The following ADAMTSL1 variants were observed in gnomAD, a reference collection of about 807,000 sequenced individuals.
ADAMTSL1 encodes the protein ADAMTS-like protein 1.
In ADAMTSL1, 126 loss-of-function variants were observed where a neutral mutation model predicts 201.8. The observed-to-expected ratio is 0.62, with a 90% CI of 0.54 to 0.72. The LOEUF (loss-of-function observed/expected upper bound fraction) is 0.72. Ranked by LOEUF, ADAMTSL1 falls within the 30% of genes least tolerant of loss-of-function variation. The pLI, the probability that ADAMTSL1 is intolerant of heterozygous loss-of-function variation, is 0.00. For missense variants in ADAMTSL1, 2,679 were observed against 2,277.8 expected (o/e 1.18, Z -3.59); for synonymous variants, 1,121 against 903.4 (o/e 1.24, Z -4.32).
intron 1 of ADAMTSL1, among the ~76,000 whole-genome samples, chr9:18,105,803 G>C (rs953458997): frequency 1.3e-5 from 2 of 151,992 alleles, no homozygotes; most frequent in Non-Finnish European, 2.9e-5. Flanking sequence ...TTTCCTTTTG[G>C]GAAAACCATA....
intron 1 of ADAMTSL1, among the ~76,000 whole-genome samples, chr9:18,071,199 A>G (rs1185300690): frequency 1.3e-5 from 2 of 152,258 alleles, no homozygotes; most frequent in Non-Finnish European, 2.9e-5. Context: ...CAATAGTCCC[A>G]TGAAAACTGG....
chr9:18,673,628 T>C (rs1008624227), intron 9 of ADAMTSL1, among the ~76,000 whole-genome samples: 1 of 152,230 alleles, frequency 6.6e-6, no homozygotes, highest in Non-Finnish European at 1.5e-5. Context: ...TCAGTGTTAC[T>C]GCCTCCATTT....
chr9:18,876,301 CGTGTGTGTGTGT>C (rs59150507), intron 23 of ADAMTSL1, among the ~76,000 whole-genome samples: 5 of 139,630 alleles, frequency 3.6e-5, no homozygotes, highest in Non-Finnish European at 7.7e-5. Context: ...TGCCTGAATA[CGTGTGTGTGTGT>C]GTGTGTGTGT....
intron 2 of ADAMTSL1, among the ~76,000 whole-genome samples, chr9:18,370,684 A>G (rs1259077330): frequency 1.3e-5 from 2 of 148,330 alleles, no homozygotes; most frequent in Admixed American, 6.7e-5. Flanking sequence ...GTATGTTTGT[A>G]GAGCGTCTTT....
intron 1 of ADAMTSL1, 87 bp downstream of exon 1, chr9:18,474,382 T>A (rs1821348416): frequency 7.8e-7 from 1 of 1,278,570 alleles, no homozygotes; most frequent in Admixed American, 1.7e-5. Flanking sequence ...TGTTTGTGTG[T>A]GTGTGTGTGT....
chr9:17,968,451 G>A (rs1191912332), intron 1 of ADAMTSL1, among the ~76,000 whole-genome samples: 1 of 152,144 alleles, frequency 6.6e-6, no homozygotes, highest in Non-Finnish European at 1.5e-5. Context: ...TAGTTCAGAT[G>A]CTGTCTCCTT....
intron 2 of ADAMTSL1, among the ~76,000 whole-genome samples, chr9:18,231,536 C>T (rs1293867162): frequency 6.6e-6 from 1 of 152,120 alleles, no homozygotes; most frequent in African/African-American, 2.4e-5. Flanking sequence ...TCCTCATCTC[C>T]AGGGCTCACA....
intron 3 of ADAMTSL1, among the ~76,000 whole-genome samples, chr9:18,551,551 T>G: frequency 6.6e-6 from 1 of 151,432 alleles, no homozygotes; most frequent in South Asian, 2.1e-4. Context: ...GCTGAATTTT[T>G]TTTTTTTTTT....
At chr9:18,099,632 C>T (rs1204936304) in intron 1 of ADAMTSL1, among the ~76,000 whole-genome samples, 3 of 144,336 alleles carry the variant, frequency 2.1e-5, no homozygotes, top group African/African-American at 8.1e-5. Flanking sequence ...TTTTCTCTCT[C>T]TCCCTTTTTT....
At chr9:18,239,146 T>C (rs1830962704) in intron 2 of ADAMTSL1, among the ~76,000 whole-genome samples, 1 of 152,214 alleles carries the variant, frequency 6.6e-6, no homozygotes, top group Admixed American at 6.5e-5. Context: ...CTTGCCTTGA[T>C]GTTTATGGCT....
In ADAMTSL1 at chr9:18,817,099, T is replaced by C; in HGVS notation, c.3806-10T>C. 6.2e-7 allele frequency: 1 copy of C among 1,608,626 alleles called. No homozygotes were observed. The highest frequency in any genetic ancestry group is 8.5e-7 in the Non-Finnish European group (1 of 1,178,178). ...ACCAAGTAACATCTCATATTCTTTC[T>C]TATCTTCAGGAAAGCCACTAGTGAA... On this transcript the variant is annotated splice_polypyrimidine_tract_variant and intron_variant, in intron 20 of 28. Transcript: ENST00000380548.
chr9:18,737,319 C>CAAAAAAAAAAA (rs59511409), intron 15 of ADAMTSL1, among the ~76,000 whole-genome samples: 1 of 53,676 alleles, frequency 1.9e-5, no homozygotes, highest in African/African-American at 7.7e-5. Context: ...AACTCTGTCT[C>CAAAAAAAAAAA]AAAAAAAAAA....
intron 2 of ADAMTSL1, among the ~76,000 whole-genome samples, chr9:18,180,615 A>G (rs953750106): frequency 1.2e-4 from 18 of 151,852 alleles, no homozygotes; most frequent in Admixed American, 9.8e-4. Context: ...ACTACAAACC[A>G]CTGCTCAAGG....
At chr9:18,681,686 G>A in intron 11 of ADAMTSL1, 126 bp from the exon 12 acceptor site, 1 of 583,060 alleles carries the variant, frequency 1.7e-6, no homozygotes, top group Admixed American at 3.5e-5. Context: ...AATTTACCAG[G>A]AGTCCTCGTG....
chr9:18,150,291 G>T (rs1179972327), intron 1 of ADAMTSL1, among the ~76,000 whole-genome samples: 1 of 152,032 alleles, frequency 6.6e-6, no homozygotes, highest in Non-Finnish European at 1.5e-5. Flanking sequence ...CAAACTATGG[G>T]GAAGACGGAA....
chr9:18,678,218 C>T lies in ADAMTSL1; in HGVS notation c.1137-2094C>T, dbSNP rs188190127. Reference sequence around the variant, plus strand: ...ACTCTGTGTTTAAAAAAATTAAAAGCCAAAAGAGGCTAAATGTATGATGTA... The same window carrying T: ...ACTCTGTGTTTAAAAAAATTAAAAGTCAAAAGAGGCTAAATGTATGATGTA... On this transcript the variant is annotated intron_variant, in intron 10 of 28. Transcript: ENST00000380548. Among the ~76,000 whole-genome samples, 3 of 152,084 alleles carry T rather than the reference C, an allele frequency of 2.0e-5. No individual in the cohort carries two copies. The East Asian group carries it at 5.8e-4, about 29-fold the overall frequency.
intron 2 of ADAMTSL1, among the ~76,000 whole-genome samples, chr9:18,531,028 C>T (rs1392042435): frequency 6.6e-6 from 1 of 152,182 alleles, no homozygotes; most frequent in African/African-American, 2.4e-5. Flanking sequence ...GAACCTAGCT[C>T]TCATATTGTT....
At chr9:18,299,750 G>C (rs1008177270) in intron 2 of ADAMTSL1, among the ~76,000 whole-genome samples, 1 of 152,212 alleles carries the variant, frequency 6.6e-6, no homozygotes, top group African/African-American at 2.4e-5. Flanking sequence ...AAATAGGCCT[G>C]TGGACCACAG....
intron 3 of ADAMTSL1, among the ~76,000 whole-genome samples, chr9:18,566,605 CA>C (rs1821911859): frequency 6.6e-6 from 1 of 152,074 alleles, no homozygotes; most frequent in Non-Finnish European, 1.5e-5. Flanking sequence ...AGAATCTGGG[CA>C]AAGAGAATTC....
Sources: allele counts gnomAD v4.1 joint callset (sites outside exome capture counted in the v4.1 genomes callset), GRCh38; gene constraint gnomAD v4.1.1; transcripts MANE v1.5; gene names NCBI Gene and HGNC (gene_info 2026-07-23, HGNC 2026-07-21).